Variants in CAMSAP2 observed in about 807,000 individuals in gnomAD.
CAMSAP2 encodes calmodulin-regulated spectrin-associated protein 2.
CAMSAP2 carries 26 observed loss-of-function variants against 146.1 expected under a neutral mutation model. That is an observed-to-expected ratio of 0.18 (90% CI 0.13 to 0.25). CAMSAP2 has a LOEUF of 0.25. CAMSAP2 is among the 10% of genes least tolerant of loss of function. The probability of loss-of-function intolerance (pLI) is 1.00; values close to 1 mark genes in which losing one functional copy is unlikely to be tolerated. For missense variants in CAMSAP2, 1,381 were observed against 1,759.3 expected (o/e 0.78, Z 3.85); for synonymous variants, 499 against 596.6 (o/e 0.84, Z 2.38).
chr1:200,858,732 A>C lies in CAMSAP2; in HGVS notation c.*673A>C, dbSNP rs1667810208. On this transcript the variant is annotated 3_prime_UTR_variant, in exon 17 of 17. Transcript: ENST00000358823. ...TTAAATAAGAGGAGGTGTTGTAAAG[A>C]GCTGCTAGTAGGTTCGCTTTAAACC... The C allele has an allele frequency of 1.3e-5, 2 of 152,806 alleles. No individual in the cohort carries two copies. Among genetic ancestry groups the C allele is most frequent in the South Asian group, 4.1e-4 (2 of 4,832 alleles). 9.5% of individuals were successfully genotyped at this position (152,806 alleles called of 1,614,324 possible).
Position 200,832,250 on chromosome 1 carries a change from A to G in CAMSAP2, c.696A>G (p.Pro232=). The G allele has an allele frequency of 6.2e-7, 1 of 1,613,660 alleles. No homozygotes were observed. Among genetic ancestry groups the G allele is most frequent in the Non-Finnish European group, 8.5e-7 (1 of 1,179,754 alleles). The change falls in exon 5 of 17, where the codon CCA becomes CCG. Residue 232 remains proline (P), a synonymous_variant. Coordinates refer to ENST00000358823, the MANE Select transcript of CAMSAP2 (RefSeq NM_203459.4). The surrounding 1 kb of genome is among the most constrained non-coding windows in gnomAD (Gnocchi z 4.2). ...QTLLKQLPCI[P]LVENLLKDGT... ...TGCTTAAGCAACTGCCTTGCATTCC[A>G]TTGGTAGAAAATTTGTTGAAGGATG...
chr1:200,758,377 CTAATAG>C (rs1391336844), intron 1 of CAMSAP2, among the ~76,000 whole-genome samples: 2 of 152,150 alleles, frequency 1.3e-5, no homozygotes, highest in Admixed American at 1.3e-4. Context: ...AGCTGTTCTA[CTAATAG>C]TTTCTGTTTA....
chr1:200,839,242 A>G (rs200006304), intron 6 of CAMSAP2, among the ~76,000 whole-genome samples: 1 of 152,212 alleles, frequency 6.6e-6, no homozygotes, highest in East Asian at 1.9e-4. Flanking sequence ...ATCATTGGTG[A>G]CTTGAGCAGT....
At chr1:200,752,298 T>C (rs1664528289) in intron 1 of CAMSAP2, among the ~76,000 whole-genome samples, 1 of 152,182 alleles carries the variant, frequency 6.6e-6, no homozygotes, top group African/African-American at 2.4e-5. Flanking sequence ...TTCTGTGATA[T>C]GTAACTTTAC....
chr1:200,846,288 C>T (rs1207169329), intron 8 of CAMSAP2, among the ~76,000 whole-genome samples: 2 of 152,130 alleles, frequency 1.3e-5, no homozygotes, highest in Non-Finnish European at 2.9e-5. Context: ...ATTCCACTTT[C>T]AAAGTGGAGG....
intron 1 of CAMSAP2, among the ~76,000 whole-genome samples, chr1:200,756,020 G>A (rs1181515714): frequency 6.6e-6 from 1 of 152,190 alleles, no homozygotes; most frequent in African/African-American, 2.4e-5. Flanking sequence ...CTAGCAACAG[G>A]AAGAGTTGGG....
At position 200,857,804 on chromosome 1, in the gene CAMSAP2, A is replaced by G. The variant is rs779405930; in HGVS notation, c.4182A>G (p.Ser1394=). 1.9e-6 allele frequency: 3 copies of G among 1,610,094 alleles called. No individual in the cohort carries two copies. In the South Asian group the frequency reaches 3.3e-5, roughly 18 times the overall value. ...ANNFLILFRD[S]GCQFRSLYTY... is the part of the protein sequence containing the mutation. ...ACTTCTTAATCTTGTTCCGGGATTC[A>G]GGATGCCAGTTCAGATCTTTATACA... The change falls in exon 17 of 17, where the codon TCA becomes TCG. Residue 1394 remains serine (S), a synonymous_variant. Coordinates refer to ENST00000358823, the MANE Select transcript of CAMSAP2 (RefSeq NM_203459.4). This position sits in a 1 kb window ranked among gnomAD's most constrained non-coding sequence, Gnocchi z 4.7.
intron 2 of CAMSAP2, among the ~76,000 whole-genome samples, chr1:200,781,796 G>T (rs756946012): frequency 6.6e-6 from 1 of 151,748 alleles, no homozygotes; most frequent in African/African-American, 2.4e-5. Flanking sequence ...CTCCTGCCTC[G>T]GCCTCCCAAA....
At chr1:200,816,070 C>T (rs746735879) in intron 4 of CAMSAP2, among the ~76,000 whole-genome samples, 5 of 152,036 alleles carry the variant, frequency 3.3e-5, no homozygotes, top group Non-Finnish European at 7.4e-5. Flanking sequence ...CCAAGGCAGG[C>T]AGATCATGAG....
At chr1:200,793,321 G>A (rs985892548) in intron 2 of CAMSAP2, among the ~76,000 whole-genome samples, 4 of 152,042 alleles carry the variant, frequency 2.6e-5, no homozygotes, top group African/African-American at 7.2e-5. Context: ...ATCAGTAAAC[G>A]TTAGCAATCA....
At chr1:200,847,150 C>A in intron 8 of CAMSAP2, 60 bp from the exon 9 acceptor site, 1 of 1,238,458 alleles carries the variant, frequency 8.1e-7, no homozygotes. Flanking sequence ...TTAAGACATT[C>A]TACCTAAATT....
At chr1:200,775,943 A>G (rs1302652090) in intron 2 of CAMSAP2, among the ~76,000 whole-genome samples, 3 of 152,132 alleles carry the variant, frequency 2.0e-5, no homozygotes, top group African/African-American at 7.2e-5. Flanking sequence ...CCAATATAAA[A>G]TCACTGTTTC....
intron 2 of CAMSAP2, among the ~76,000 whole-genome samples, chr1:200,790,307 G>C (rs966358681): frequency 1.3e-5 from 2 of 152,090 alleles, no homozygotes; most frequent in African/African-American, 2.4e-5. Context: ...AGTATATTTA[G>C]AAATTCTCTC....
chr1:200,827,362 C>T (rs932061667), intron 4 of CAMSAP2, among the ~76,000 whole-genome samples: 1 of 152,146 alleles, frequency 6.6e-6, no homozygotes, highest in Non-Finnish European at 1.5e-5. Context: ...TTAATGGGTT[C>T]TTCTAGTCTA....
chr1:200,814,799 G>A (rs1666438422), intron 3 of CAMSAP2, among the ~76,000 whole-genome samples: 1 of 151,994 alleles, frequency 6.6e-6, no homozygotes, highest in African/African-American at 2.4e-5. Flanking sequence ...AAACAAAGTG[G>A]GGACTGAAAG....
Position 200,815,642 on chromosome 1 carries a change from A to G in CAMSAP2, c.643A>G (p.Lys215Glu), listed in dbSNP as rs1666461575. 2 of 1,549,586 alleles carry G rather than the reference A, an allele frequency of 1.3e-6. No homozygotes were observed. Among genetic ancestry groups the G allele is most frequent in the Non-Finnish European group, 8.7e-7 (1 of 1,148,774 alleles). The change falls in exon 4 of 17, where the codon AAG (lysine) becomes GAG (glutamate). Residue 215 changes from lysine (K) to glutamate (E), a missense_variant and splice_region_variant. Transcript: ENST00000358823. Reference protein sequence around the residue: ...HHTVEAPGGQKARYRKEQTLL... With the variant: ...HHTVEAPGGQEARYRKEQTLL... ...CACAGTTGAAGCTCCAGGAGGTCAA[A>G]AGGTATTTATTTCAAAAACAAAAAG...
intron 4 of CAMSAP2, among the ~76,000 whole-genome samples, chr1:200,819,088 C>G (rs549058053): frequency 3.9e-5 from 6 of 152,060 alleles, no homozygotes; most frequent in African/African-American, 1.5e-4. Context: ...TTGAAGGATA[C>G]TTGTACTATA....
At chr1:200,778,858 T>G (rs1189456235) in intron 2 of CAMSAP2, among the ~76,000 whole-genome samples, 3 of 152,172 alleles carry the variant, frequency 2.0e-5, no homozygotes, top group Non-Finnish European at 4.4e-5. Flanking sequence ...TTGGGTTGGG[T>G]CCAAGCCATT....
At chr1:200,772,126 G>A (rs1394889281) in intron 2 of CAMSAP2, among the ~76,000 whole-genome samples, 2 of 151,968 alleles carry the variant, frequency 1.3e-5, no homozygotes, top group Non-Finnish European at 2.9e-5. Context: ...ATGACTCACA[G>A]TTAGGAATGC....
Sources: gnomAD v4.1 joint callset for allele counts (sites outside exome capture counted in the v4.1 genomes callset) on GRCh38, gnomAD v4.1.1 for gene constraint, Gnocchi (gnomAD v3.1) non-coding constraint, MANE v1.5 for transcripts, NCBI Gene and HGNC (gene_info 2026-07-23, HGNC 2026-07-21) for gene names.